Variants in PCDHA4 observed in about 807,000 individuals in gnomAD.
PCDHA4 encodes the protein protocadherin alpha 4.
In PCDHA4, 49 loss-of-function variants were observed where a neutral mutation model predicts 61.4. The observed-to-expected ratio is 0.80, with a 90% CI of 0.63 to 1.01. The LOEUF is 1.01. Among genes scored for constraint, PCDHA4 ranks in the 50% least tolerant of loss-of-function variants. The pLI is 0.00. For missense variants in PCDHA4, 1,254 were observed against 1,235.8 expected (o/e 1.01, Z -0.22); for synonymous variants, 590 against 550.3 (o/e 1.07, Z -1.01).
At chr5:140,989,105 T>G (rs550881823) in intron 3 of PCDHA4, 2 of 152,232 alleles carry the variant, frequency 1.3e-5, no homozygotes, top group African/African-American at 4.8e-5. Flanking sequence ...GAAACAACTT[T>G]TGAATATATC....
intron 1 of PCDHA4, chr5:140,928,628 T>G: frequency 6.2e-7 from 1 of 1,614,222 alleles, no homozygotes; most frequent in Non-Finnish European, 8.5e-7. Context: ...ACTGGACACT[T>G]GGTCACAAAA....
intron 1 of PCDHA4, among the ~76,000 whole-genome samples, chr5:140,922,126 G>A (rs1206223275): frequency 1.3e-5 from 2 of 151,970 alleles, no homozygotes; most frequent in Non-Finnish European, 2.9e-5. Flanking sequence ...ACCTTTAAAT[G>A]TCTCTTATCC....
chr5:140,856,074 G>A, intron 1 of PCDHA4: 1 of 1,592,254 alleles, frequency 6.3e-7, no homozygotes, highest in Non-Finnish European at 8.6e-7. Context: ...AGCTGCCTGG[G>A]GGTCCAGTGT....
chr5:140,830,089 G>T, intron 1 of PCDHA4: 1 of 1,613,632 alleles, frequency 6.2e-7, no homozygotes, highest in African/African-American at 1.3e-5. Context: ...CCACGGTTCT[G>T]GTGTCGCTGG....
intron 1 of PCDHA4, chr5:140,811,423 G>A (rs954337823): frequency 1.3e-5 from 2 of 152,158 alleles, no homozygotes; most frequent in African/African-American, 4.8e-5. Flanking sequence ...GGACATTTGG[G>A]TTGGTTCCAA....
At chr5:140,810,298 T>C (rs782625425) in intron 1 of PCDHA4, 2 of 152,268 alleles carry the variant, frequency 1.3e-5, no homozygotes, top group Non-Finnish European at 2.9e-5. Context: ...ATAAATATAT[T>C]GTACATTTCT....
chr5:140,954,354 C>T lies in PCDHA4; in HGVS notation c.2386-24595C>T, dbSNP rs982671490. ...TTCTGCCTCTAGATCTTTGAGGAAT[C>T]GCCACACAGTCTCCCACAATGAGTG... is the stretch of plus-strand genomic sequence containing the variant. On this transcript the variant is annotated intron_variant, in intron 1 of 3. Transcript: ENST00000530339. Among the ~76,000 whole-genome samples the T allele has an allele frequency of 3.3e-5, 5 of 152,286 alleles. No homozygotes were observed. The East Asian group carries it at 5.8e-4, about 18-fold the overall frequency.
intron 1 of PCDHA4, chr5:140,831,249 A>G (rs1232013829): frequency 5.3e-5 from 8 of 152,084 alleles, no homozygotes; most frequent in African/African-American, 1.9e-4. Flanking sequence ...CGGCTCTCTT[A>G]TTTCTGTTTG....
At chr5:140,841,071 T>G (rs2150310852) in intron 1 of PCDHA4, 1 of 492,430 alleles carries the variant, frequency 2.0e-6, no homozygotes, top group Non-Finnish European at 3.5e-6. Context: ...GATAAAGAAA[T>G]AGAAAGTGCA....
intron 1 of PCDHA4, chr5:140,883,523 T>A: frequency 6.2e-7 from 1 of 1,614,226 alleles, no homozygotes; most frequent in Non-Finnish European, 8.5e-7. Flanking sequence ...CGAGAGCGTA[T>A]CAGCCTATGA....
chr5:140,882,213 T>C, intron 1 of PCDHA4: 2 of 1,538,576 alleles, frequency 1.3e-6, no homozygotes, highest in Non-Finnish European at 1.8e-6. Flanking sequence ...TGAGAGACAG[T>C]TTGAGGTAAG....
chr5:140,927,897 T>A, intron 1 of PCDHA4: 1 of 1,614,204 alleles, frequency 6.2e-7, no homozygotes, highest in African/African-American at 1.3e-5. Flanking sequence ...ACGTGAACGA[T>A]CATGCCCCCG....
intron 1 of PCDHA4, chr5:140,854,328 A>C (rs1562493993): frequency 4.6e-6 from 1 of 216,912 alleles, no homozygotes; most frequent in Non-Finnish European, 7.8e-6. Context: ...TGGCAAACTT[A>C]TTTTACGCTC....
intron 2 of PCDHA4, among the ~76,000 whole-genome samples, chr5:140,979,396 G>C (rs2096848299): frequency 6.6e-6 from 1 of 151,692 alleles, no homozygotes; most frequent in South Asian, 2.1e-4. Flanking sequence ...ATACATACAT[G>C]TTGTCTACCT....
chr5:140,929,306 A>G lies in PCDHA4; in HGVS notation c.2386-49643A>G, dbSNP rs781950847. 9 of 1,572,580 alleles carry G rather than the reference A, an allele frequency of 5.7e-6. No homozygotes were observed. The Admixed American group carries it at 9.0e-5, about 16-fold the overall frequency. On this transcript the variant is annotated intron_variant, in intron 1 of 3. Coordinates refer to ENST00000530339, the MANE Select transcript of PCDHA4 (RefSeq NM_018907.4). The stretch of plus-strand genomic sequence containing the variant: ...CAGATTCGGAATAGGAAAGGGGATC[A>G]CGCTAATGTCAATGCCATGGTAAGC...
intron 3 of PCDHA4, among the ~76,000 whole-genome samples, chr5:140,993,888 G>A (rs1196429613): frequency 6.6e-6 from 1 of 152,140 alleles, no homozygotes; most frequent in African/African-American, 2.4e-5. Flanking sequence ...GCTCTATGAT[G>A]TCCATACAAC....
At chr5:140,877,488 C>T (rs781785108) in intron 1 of PCDHA4, 9 of 1,613,736 alleles carry the variant, frequency 5.6e-6, no homozygotes, top group Admixed American at 5.0e-5. Flanking sequence ...TGGTGGAGAA[C>T]GGCCAGGCCC....
intron 1 of PCDHA4, chr5:140,884,079 A>T (rs2059982825): frequency 3.1e-6 from 5 of 1,613,504 alleles, no homozygotes; most frequent in Non-Finnish European, 4.2e-6. Context: ...TCGGGCTACA[A>T]TGCGTGGCTT....
intron 1 of PCDHA4, among the ~76,000 whole-genome samples, chr5:140,888,860 A>C (rs1349587487): frequency 6.6e-6 from 1 of 152,086 alleles, no homozygotes; most frequent in Non-Finnish European, 1.5e-5. Flanking sequence ...GAGTGAGACC[A>C]TGTCTCAACA....
Sources: gnomAD v4.1 joint callset for allele counts (sites outside exome capture counted in the v4.1 genomes callset) on GRCh38, gnomAD v4.1.1 for gene constraint, MANE v1.5 for transcripts, NCBI Gene and HGNC (gene_info 2026-07-23, HGNC 2026-07-21) for gene names.